Variants in MAML3 observed in about 807,000 individuals in gnomAD.
MAML3 encodes mastermind-like protein 3.
In MAML3, 27 loss-of-function variants were observed where a neutral mutation model predicts 101.9. That is an observed-to-expected ratio of 0.27 (90% confidence interval 0.20 to 0.37). The LOEUF is 0.37. Among genes scored for constraint, MAML3 ranks in the 10% least tolerant of loss-of-function variants. The pLI is 1.00. For synonymous variants in MAML3, 501 were observed against 555.9 expected, an observed-to-expected ratio of 0.90 and a Z score of 1.39; for missense variants, 1,316 against 1,444.9, an observed-to-expected ratio of 0.91 and a Z score of 1.45.
At chr4:139,757,547 A>G (rs6845209) in intron 2 of MAML3, among the ~76,000 whole-genome samples, 78,042 of 151,020 alleles carry the variant, frequency 0.52, 21,403 homozygotes, top group Non-Finnish European at 0.62. Flanking sequence ...CTACTGGGGA[A>G]GCTGAGACAG....
At chr4:139,927,566 T>C (rs1338912181) in intron 1 of MAML3, among the ~76,000 whole-genome samples, 1 of 152,246 alleles carries the variant, frequency 6.6e-6, no homozygotes, top group Non-Finnish European at 1.5e-5. Flanking sequence ...CCACTTTCCT[T>C]TTATATGTAT....
chr4:139,899,086 T>G (rs1007975284), intron 1 of MAML3, among the ~76,000 whole-genome samples: 2 of 152,226 alleles, frequency 1.3e-5, no homozygotes, highest in Admixed American at 1.3e-4. Flanking sequence ...CTAAAGAAAC[T>G]GAATAAAAAC....
intron 1 of MAML3, among the ~76,000 whole-genome samples, chr4:139,933,704 C>G (rs1384087736): frequency 6.6e-6 from 1 of 152,186 alleles, no homozygotes; most frequent in African/African-American, 2.4e-5. Flanking sequence ...CTTCTGCCTG[C>G]TAAATATTAA....
chr4:139,834,509 C>T (rs1031629809), intron 2 of MAML3, among the ~76,000 whole-genome samples: 7 of 152,198 alleles, frequency 4.6e-5, no homozygotes, highest in Non-Finnish European at 7.3e-5. Context: ...CTTGAAGGTG[C>T]GTTGCAGTCA....
At chr4:139,811,682 T>C (rs1298664700) in intron 2 of MAML3, among the ~76,000 whole-genome samples, 1 of 152,232 alleles carries the variant, frequency 6.6e-6, no homozygotes, top group Non-Finnish European at 1.5e-5. Context: ...GGTCAGATCA[T>C]AGATTGCAGT....
chr4:140,122,771 G>T (rs1458948029), intron 1 of MAML3, among the ~76,000 whole-genome samples: 1 of 130,572 alleles, frequency 7.7e-6, no homozygotes, highest in Admixed American at 8.0e-5. Flanking sequence ...CAGCCTGGGC[G>T]ACAGAGCGAG....
intron 1 of MAML3, among the ~76,000 whole-genome samples, chr4:139,897,783 G>A (rs1463252570): frequency 2.0e-5 from 3 of 152,084 alleles, no homozygotes; most frequent in Non-Finnish European, 4.4e-5. Flanking sequence ...CATCATTCAG[G>A]TCTGGCACAC....
At chr4:139,969,442 CCTCT>C (rs1269438897) in intron 1 of MAML3, among the ~76,000 whole-genome samples, 1 of 151,738 alleles carries the variant, frequency 6.6e-6, no homozygotes, top group African/African-American at 2.4e-5. Context: ...ACACACACAC[CCTCT>C]CTCTCTTTCT....
intron 1 of MAML3, among the ~76,000 whole-genome samples, chr4:139,913,793 T>C (rs991497692): frequency 2.0e-5 from 3 of 152,204 alleles, no homozygotes; most frequent in African/African-American, 4.8e-5. Context: ...TGTGGATTAT[T>C]TGGTTAGGCA....
chr4:139,974,174 C>T lies in MAML3; in HGVS notation c.469-83207G>A, dbSNP rs530991494. Among the ~76,000 whole-genome samples, 48 of 150,104 alleles carry T rather than the reference C, an allele frequency of 3.2e-4. No individual in the cohort carries two copies. The South Asian group carries it at 7.6e-3, about 24-fold the overall frequency. On this transcript the variant is annotated intron_variant, in intron 1 of 4. Transcript: ENST00000509479. Reference sequence around the variant, plus strand: ...AGGCTGGAGTGCAGTGGCGCTATCTCGGCTCACTGCAAGCTCCGCCTCCCG... The same window carrying T: ...AGGCTGGAGTGCAGTGGCGCTATCTTGGCTCACTGCAAGCTCCGCCTCCCG...
intron 1 of MAML3, among the ~76,000 whole-genome samples, chr4:139,903,874 AC>A: frequency 6.6e-6 from 1 of 152,328 alleles, no homozygotes. Flanking sequence ...TACTCATTAG[AC>A]GGCACCATCT....
intron 2 of MAML3, among the ~76,000 whole-genome samples, chr4:139,779,325 C>T (rs898903782): frequency 2.0e-5 from 3 of 152,194 alleles, no homozygotes; most frequent in Admixed American, 2.0e-4. Flanking sequence ...GGCTTTGCTG[C>T]TCTTCAGTTC....
chr4:140,065,008 C>T (rs1438671585), intron 1 of MAML3, among the ~76,000 whole-genome samples: 1 of 152,144 alleles, frequency 6.6e-6, no homozygotes, highest in African/African-American at 2.4e-5. Flanking sequence ...AAATTGAAAA[C>T]AGAGATGACA....
chr4:140,092,090 A>ATATG (rs1560890823), intron 1 of MAML3, among the ~76,000 whole-genome samples: 164 of 66,886 alleles, frequency 2.5e-3, no homozygotes, highest in African/African-American at 6.2e-3. Flanking sequence ...ATATATACGT[A>ATATG]TATATATATA....
At position 139,717,913 on chromosome 4, in the gene MAML3, GAAC is replaced by G. The variant is rs1410741349; in HGVS notation, c.*1407_*1409del. 6.6e-6 allele frequency: 1 copy of G among 152,170 alleles called. No homozygotes were observed. The highest frequency in any genetic ancestry group is 2.4e-5 in the African/African-American group (1 of 41,430). The allele number at this position is 152,170 out of a possible 1,614,324, so 9.4% of individuals were successfully genotyped here. On this transcript the variant is annotated 3_prime_UTR_variant, in exon 5 of 5. Transcript: ENST00000509479. ...AGGGCAGATGTGCGTCAATTGCAGA[GAAC>G]AACTGTACAGGACTTTGGAAGAGGA...
chr4:140,032,877 T>G (rs572868091), intron 1 of MAML3, among the ~76,000 whole-genome samples: 1 of 53,986 alleles, frequency 1.9e-5, no homozygotes, highest in South Asian at 1.0e-3. Flanking sequence ...TCTCATTGTT[T>G]GTAAAAAAAA....
chr4:139,964,357 A>G (rs1734083298), intron 1 of MAML3, among the ~76,000 whole-genome samples: 1 of 152,106 alleles, frequency 6.6e-6, no homozygotes, highest in Non-Finnish European at 1.5e-5. Context: ...CAAACACCAC[A>G]TGGTTCTCAC....
At chr4:139,972,774 A>C (rs923662160) in intron 1 of MAML3, among the ~76,000 whole-genome samples, 4 of 152,352 alleles carry the variant, frequency 2.6e-5, no homozygotes, top group African/African-American at 9.6e-5. Flanking sequence ...TTCTGACGAC[A>C]ATTTGCAAAG....
intron 1 of MAML3, among the ~76,000 whole-genome samples, chr4:140,113,249 A>C (rs952036578): frequency 6.6e-6 from 1 of 152,198 alleles, no homozygotes; most frequent in Non-Finnish European, 1.5e-5. Context: ...ACTGAACTCC[A>C]GCCTGGGTGA....
Sources: allele counts gnomAD v4.1 joint callset (sites outside exome capture counted in the v4.1 genomes callset), GRCh38; gene constraint gnomAD v4.1.1; transcripts MANE v1.5; gene names NCBI Gene and HGNC (gene_info 2026-07-23, HGNC 2026-07-21).